The following KCNH5 variants were observed in gnomAD, a reference collection of about 807,000 sequenced individuals.
KCNH5 encodes voltage-gated delayed rectifier potassium channel KCNH5.
A neutral mutation model predicts 96.1 loss-of-function variants in KCNH5; 46 were observed. The ratio of observed to expected loss-of-function variants is 0.48; its 90% CI spans 0.38 to 0.61. The LOEUF is 0.61. Ranked by LOEUF, KCNH5 falls within the 20% of genes least tolerant of loss-of-function variation. The pLI is 0.00. For missense variants in KCNH5, 907 were observed against 1,225.8 expected (o/e 0.74, Z 3.88); for synonymous variants, 439 against 449.8 (o/e 0.98, Z 0.30).
chr14:63,032,728 T>C (rs1891652031), intron 1 of KCNH5, among the ~76,000 whole-genome samples: 1 of 152,214 alleles, frequency 6.6e-6, no homozygotes, highest in Non-Finnish European at 1.5e-5. Context: ...ACCCGGATCT[T>C]TTCTGAACTC....
rs190157674 is a variant in KCNH5 at position 62,916,899 on chromosome 14, C to T, written c.1369+33234G>A. Reference sequence around the variant, plus strand: ...CCAGACAAAGTTAAAAATAGCAGAGCCCACATTGTATACCAAGGCAATTTT... The same window carrying T: ...CCAGACAAAGTTAAAAATAGCAGAGTCCACATTGTATACCAAGGCAATTTT... On this transcript the variant is annotated intron_variant, in intron 7 of 10. Coordinates refer to ENST00000322893, the MANE Select transcript of KCNH5 (RefSeq NM_139318.5). Among the ~76,000 whole-genome samples the T allele has an allele frequency of 6.6e-4, 100 of 152,282 alleles. 1 individual carries two copies. The highest frequency in any genetic ancestry group is 1.2e-3 in the Non-Finnish European group (82 of 68,014).
intron 7 of KCNH5, among the ~76,000 whole-genome samples, chr14:62,858,473 T>C (rs758733276): frequency 6.6e-5 from 10 of 152,196 alleles, no homozygotes; most frequent in Non-Finnish European, 1.2e-4. Flanking sequence ...TAATTTCATC[T>C]TGAAAGTGTG....
At chr14:62,741,769 T>C (rs1485124446) in intron 10 of KCNH5, among the ~76,000 whole-genome samples, 2 of 152,190 alleles carry the variant, frequency 1.3e-5, no homozygotes, top group Non-Finnish European at 2.9e-5. Flanking sequence ...TTTCCTGCTT[T>C]TATTTTACGG....
intron 4 of KCNH5, among the ~76,000 whole-genome samples, chr14:63,001,034 C>T (rs1052945250): frequency 1.3e-5 from 2 of 152,088 alleles, no homozygotes; most frequent in Admixed American, 1.3e-4. Flanking sequence ...GAAATGACAC[C>T]ACTACACTCC....
At chr14:62,833,390 G>A (rs1279190076) in intron 8 of KCNH5, among the ~76,000 whole-genome samples, 1 of 151,804 alleles carries the variant, frequency 6.6e-6, no homozygotes, top group Non-Finnish European at 1.5e-5. Flanking sequence ...ATTTATTTAA[G>A]AGGCTATCCT....
intron 4 of KCNH5, 119 bp downstream of exon 4, chr14:63,001,212 C>CTTG (rs1891004153): frequency 2.5e-6 from 2 of 806,458 alleles, no homozygotes; most frequent in Non-Finnish European, 3.7e-6. Context: ...AGCAATGAAG[C>CTTG]AAAAGAAAGG....
At chr14:62,710,078 G>C (rs548806297) in intron 10 of KCNH5, among the ~76,000 whole-genome samples, 1 of 152,206 alleles carries the variant, frequency 6.6e-6, no homozygotes, top group East Asian at 1.9e-4. Flanking sequence ...ACTATCTTTT[G>C]AATATTCAGC....
intron 8 of KCNH5, among the ~76,000 whole-genome samples, chr14:62,830,277 T>C (rs904222671): frequency 6.6e-5 from 10 of 152,178 alleles, no homozygotes; most frequent in African/African-American, 1.9e-4. Flanking sequence ...CCTCCAACTA[T>C]TCCAACCTCT....
chr14:62,807,052 T>C (rs1474573600), intron 8 of KCNH5, among the ~76,000 whole-genome samples: 1 of 152,094 alleles, frequency 6.6e-6, no homozygotes, highest in Non-Finnish European at 1.5e-5. Context: ...GGAAGGTCTT[T>C]CTCTGGCCTC....
chr14:63,016,535 G>A (rs79508344), intron 2 of KCNH5, among the ~76,000 whole-genome samples: 60 of 152,150 alleles, frequency 3.9e-4, no homozygotes, highest in Non-Finnish European at 7.2e-4. Context: ...GATACAAGAC[G>A]TTCCTCTGAT....
At chr14:62,796,297 C>A (rs548343908) in intron 9 of KCNH5, among the ~76,000 whole-genome samples, 1 of 152,184 alleles carries the variant, frequency 6.6e-6, no homozygotes, top group Non-Finnish European at 1.5e-5. Context: ...CAGGCATGAG[C>A]CACCATGCTG....
chr14:62,969,768 T>C (rs1890368570), intron 6 of KCNH5, among the ~76,000 whole-genome samples: 1 of 147,894 alleles, frequency 6.8e-6, no homozygotes. Flanking sequence ...TTTTTTTTTT[T>C]TTTTTTTTTT....
At chr14:62,887,867 C>T (rs191012562) in intron 7 of KCNH5, among the ~76,000 whole-genome samples, 1 of 152,134 alleles carries the variant, frequency 6.6e-6, no homozygotes, top group Non-Finnish European at 1.5e-5. Context: ...ACTTTTGGGG[C>T]CTCATCACTT....
intron 7 of KCNH5, among the ~76,000 whole-genome samples, chr14:62,878,584 T>C (rs1022491749): frequency 6.6e-6 from 1 of 152,076 alleles, no homozygotes; most frequent in African/African-American, 2.4e-5. Context: ...TGAGAAAATA[T>C]ACAAAATATA....
intron 9 of KCNH5, among the ~76,000 whole-genome samples, chr14:62,801,833 C>T (rs933310262): frequency 1.3e-5 from 2 of 152,072 alleles, no homozygotes; most frequent in African/African-American, 2.4e-5. Flanking sequence ...TTAGGTTGAC[C>T]GTGATGAGGG....
At chr14:62,751,206 G>A (rs770589313) in intron 10 of KCNH5, among the ~76,000 whole-genome samples, 6 of 152,144 alleles carry the variant, frequency 3.9e-5, no homozygotes, top group Non-Finnish European at 7.3e-5. Flanking sequence ...TCCTAACAAG[G>A]GGTGGGCCAT....
At chr14:62,719,929 A>G (rs1884769423) in intron 10 of KCNH5, among the ~76,000 whole-genome samples, 2 of 152,248 alleles carry the variant, frequency 1.3e-5, no homozygotes, top group African/African-American at 4.8e-5. Context: ...TTAAACATCT[A>G]CCATGTTCCA....
intron 3 of KCNH5, among the ~76,000 whole-genome samples, chr14:63,003,494 A>ATATATATATTTTATATATAT (rs1566536696): frequency 8.0e-6 from 1 of 124,564 alleles, no homozygotes; most frequent in Non-Finnish European, 1.6e-5. Flanking sequence ...TATATATATT[A>ATATATATATTTTATATATAT]TATATATATT....
At chr14:62,907,422 A>G (rs1889050927) in intron 7 of KCNH5, among the ~76,000 whole-genome samples, 1 of 152,206 alleles carries the variant, frequency 6.6e-6, no homozygotes, top group Non-Finnish European at 1.5e-5. Flanking sequence ...ACAGTGCCAC[A>G]CTGACTATTT....
Sources: allele counts gnomAD v4.1 joint callset (sites outside exome capture counted in the v4.1 genomes callset), GRCh38; gene constraint gnomAD v4.1.1; transcripts MANE v1.5; gene names NCBI Gene and HGNC (gene_info 2026-07-23, HGNC 2026-07-21).